Variants in MMS22L observed in about 807,000 individuals in gnomAD.
MMS22L encodes the protein protein MMS22-like.
Under a neutral mutation model 159.1 loss-of-function variants are expected in MMS22L, and 74 were observed. That is an observed-to-expected ratio of 0.47 (90% CI 0.39 to 0.56). The LOEUF is 0.56. Among genes scored for constraint, MMS22L ranks in the 20% least tolerant of loss-of-function variants. MMS22L has a pLI of 0.00. For missense variants in MMS22L, 1,351 were observed against 1,422.1 expected (o/e 0.95, Z 0.80); for synonymous variants, 517 against 506.9 (o/e 1.02, Z -0.27).
At chr6:97,160,878 T>C (rs1015095806) in intron 22 of MMS22L, among the ~76,000 whole-genome samples, 3 of 152,030 alleles carry the variant, frequency 2.0e-5, no homozygotes, top group Admixed American at 1.3e-4. Flanking sequence ...TCTAATCCAC[T>C]AATGGGCCCC....
Position 97,178,517 on chromosome 6 carries a change from T to C in MMS22L, c.2605A>G (p.Ile869Val), listed in dbSNP as rs1454300540. 1 of 1,586,208 alleles carries C rather than the reference T, an allele frequency of 6.3e-7. No homozygotes were observed. Among genetic ancestry groups the C allele is most frequent in the Non-Finnish European group, 8.6e-7 (1 of 1,159,950 alleles). Reference sequence around the variant, plus strand: ...TATTCAACTTGGGCCTTTGAGAAAATACTCTTTACTTCTGAGAGATTAAAT... The same window carrying C: ...TATTCAACTTGGGCCTTTGAGAAAACACTCTTTACTTCTGAGAGATTAAAT... ...LLFNLSEVKS[I>V]FSKAQVEYLS... Residue 869 changes from isoleucine to valine, a missense_variant, in exon 18 of 25, where the codon ATT becomes GTT. By Grantham distance (29) the Ile-to-Val change is conservative. Coordinates refer to ENST00000683635, the MANE Select transcript of MMS22L (RefSeq NM_001350599.2).
At chr6:97,224,057 A>G (rs932942469) in intron 14 of MMS22L, among the ~76,000 whole-genome samples, 1 of 152,176 alleles carries the variant, frequency 6.6e-6, no homozygotes, top group African/African-American at 2.4e-5. Context: ...CAAAACAGAC[A>G]TTTGTGAAAG....
intron 16 of MMS22L, among the ~76,000 whole-genome samples, chr6:97,180,204 C>T (rs962535648): frequency 2.0e-5 from 3 of 152,014 alleles, no homozygotes; most frequent in African/African-American, 7.2e-5. Flanking sequence ...CGGGTTCACG[C>T]CATTCTCCTG....
chr6:97,171,354 G>A (rs1803527151), intron 19 of MMS22L, among the ~76,000 whole-genome samples: 2 of 152,160 alleles, frequency 1.3e-5, no homozygotes, highest in African/African-American at 4.8e-5. Flanking sequence ...TGAGAGAGAT[G>A]ATCAAGTCTA....
At chr6:97,169,223 A>G (rs1206906124) in intron 19 of MMS22L, among the ~76,000 whole-genome samples, 1 of 152,116 alleles carries the variant, frequency 6.6e-6, no homozygotes, top group East Asian at 1.9e-4. Flanking sequence ...CCTTGGTGCT[A>G]GAAGTCTGTT....
chr6:97,278,796 C>T lies in MMS22L; in HGVS notation c.340+53G>A, dbSNP rs545585445. The T allele has an allele frequency of 2.4e-5, 36 of 1,474,070 alleles. 3 individuals are homozygous for T. In the African/African-American group the frequency reaches 2.6e-4, roughly 11 times the overall value. 91.3% of individuals were successfully genotyped at this position (1,474,070 alleles called of 1,614,324 possible). A position where few individuals can be genotyped will look rare whatever the true frequency, so the allele number is the denominator to read the frequency against. On this transcript the variant is annotated intron_variant, in intron 4 of 24. Transcript: ENST00000683635. ...TATACCATCATGGACCCATGTGCAA[C>T]TCACTATAATGAAGCACCATTCCCT...
chr6:97,182,456 T>C (rs1406349592), intron 15 of MMS22L, among the ~76,000 whole-genome samples: 1 of 152,166 alleles, frequency 6.6e-6, no homozygotes, highest in African/African-American at 2.4e-5. Flanking sequence ...GAACAGTTCC[T>C]TCTCACCTTA....
chr6:97,175,197 AC>A (rs1246104417), intron 18 of MMS22L, among the ~76,000 whole-genome samples: 2 of 152,352 alleles, frequency 1.3e-5, no homozygotes, highest in African/African-American at 4.8e-5. Flanking sequence ...TATTTCCCAA[AC>A]AAAAAACAAA....
chr6:97,279,254 C>T (rs1003618757), intron 3 of MMS22L, among the ~76,000 whole-genome samples: 1 of 152,000 alleles, frequency 6.6e-6, no homozygotes, highest in East Asian at 1.9e-4. Context: ...GAGGCCGAGG[C>T]GGGCGGATTA....
At chr6:97,210,654 G>T (rs569147587) in intron 14 of MMS22L, among the ~76,000 whole-genome samples, 23 of 151,996 alleles carry the variant, frequency 1.5e-4, no homozygotes, top group Non-Finnish European at 2.7e-4. Context: ...TAGAAATCAT[G>T]GAAAGATTGA....
intron 2 of MMS22L, among the ~76,000 whole-genome samples, chr6:97,281,748 T>A (rs1816771867): frequency 6.6e-6 from 1 of 152,220 alleles, no homozygotes; most frequent in South Asian, 2.1e-4. Flanking sequence ...AAGTTGAGTA[T>A]TCTATTTAAG....
chr6:97,167,224 G>T (rs1244456924), intron 20 of MMS22L, among the ~76,000 whole-genome samples: 5 of 151,978 alleles, frequency 3.3e-5, no homozygotes, highest in Non-Finnish European at 7.4e-5. Context: ...ACATCTCCAG[G>T]ATTTCCCACG....
chr6:97,203,506 C>T (rs1364393007), intron 14 of MMS22L, among the ~76,000 whole-genome samples: 7 of 152,124 alleles, frequency 4.6e-5, no homozygotes, highest in South Asian at 2.1e-4. Context: ...CCCCTTAGGA[C>T]GTGCAAAGCC....
chr6:97,152,920 C>T (rs1460704129), intron 22 of MMS22L, among the ~76,000 whole-genome samples: 2 of 151,446 alleles, frequency 1.3e-5, no homozygotes, highest in Admixed American at 1.3e-4. Flanking sequence ...ACTCTAACTT[C>T]CATCTCCTGG....
In MMS22L at chr6:97,143,489, AGAG is replaced by A. The variant is rs1384878706; in HGVS notation, c.*3314_*3316del. 2 of 152,252 alleles carry A rather than the reference AGAG, an allele frequency of 1.3e-5. No homozygotes were observed. The highest frequency in any genetic ancestry group is 2.9e-5 in the Non-Finnish European group (2 of 68,060). The allele number at this position is 152,252 out of a possible 1,614,324, so 9.4% of individuals were successfully genotyped here. A position where few individuals can be genotyped will look rare whatever the true frequency, so the allele number is the denominator to read the frequency against. On this transcript the variant is annotated 3_prime_UTR_variant, in exon 25 of 25. Transcript: ENST00000683635. The stretch of plus-strand genomic sequence containing the variant: ...GAAGTCCTCGAGCAGAAAAGTAACA[AGAG>A]GAAAACAGTATTTTAGGAATACACA...
chr6:97,254,839 C>T, intron 9 of MMS22L, 106 bp from the exon 10 acceptor site: 2 of 828,998 alleles, frequency 2.4e-6, no homozygotes, highest in South Asian at 2.6e-5. Flanking sequence ...AAAGACAAAA[C>T]ACATATATAA....
intron 4 of MMS22L, among the ~76,000 whole-genome samples, chr6:97,277,381 T>C (rs1368541717): frequency 6.6e-6 from 1 of 152,018 alleles, no homozygotes; most frequent in East Asian, 1.9e-4. Flanking sequence ...GCCACTGCAC[T>C]CCAGCCTGGG....
chr6:97,255,231 T>C (rs1813673495), intron 9 of MMS22L, among the ~76,000 whole-genome samples: 1 of 152,160 alleles, frequency 6.6e-6, no homozygotes, highest in African/African-American at 2.4e-5. Context: ...CAATCTACTA[T>C]TGCAGAACAT....
chr6:97,221,590 T>G (rs1249976260), intron 14 of MMS22L, among the ~76,000 whole-genome samples: 1 of 152,078 alleles, frequency 6.6e-6, no homozygotes, highest in Non-Finnish European at 1.5e-5. Context: ...AAAAAAGTTT[T>G]TCTTTACATA....
Sources: allele counts gnomAD v4.1 joint callset (sites outside exome capture counted in the v4.1 genomes callset), GRCh38; gene constraint gnomAD v4.1.1; transcripts MANE v1.5; gene names NCBI Gene and HGNC (gene_info 2026-07-23, HGNC 2026-07-21).